The following CCDC171 variants were observed in gnomAD, a reference collection of about 807,000 sequenced individuals.
CCDC171 encodes coiled-coil domain-containing protein 171.
A neutral mutation model predicts 168.2 loss-of-function variants in CCDC171; 177 were observed. The observed-to-expected ratio is 1.05, with a 90% CI of 0.93 to 1.19. The LOEUF (loss-of-function observed/expected upper bound fraction) is 1.19. Ranked by LOEUF, CCDC171 falls within the 50% of genes most tolerant of loss-of-function variation. The probability of loss-of-function intolerance (pLI) is 0.00; values close to 1 mark genes in which losing one functional copy is unlikely to be tolerated. For missense variants in CCDC171, 1,991 were observed against 1,539.0 expected (o/e 1.29, Z -4.91); for synonymous variants, 687 against 540.8 (o/e 1.27, Z -3.75).
intron 5 of CCDC171, among the ~76,000 whole-genome samples, chr9:15,592,037 T>A (rs1442367881): frequency 6.6e-6 from 1 of 152,170 alleles, no homozygotes; most frequent in Non-Finnish European, 1.5e-5. Context: ...TTCCCTCATT[T>A]TTTGTTCTCT....
intron 21 of CCDC171, among the ~76,000 whole-genome samples, chr9:15,803,537 G>C (rs895193820): frequency 6.6e-6 from 1 of 151,962 alleles, no homozygotes; most frequent in Non-Finnish European, 1.5e-5. Context: ...CCCATTGCTT[G>C]TTTTTGTCAG....
intron 25 of CCDC171, among the ~76,000 whole-genome samples, chr9:15,951,616 A>G (rs1409149570): frequency 1.3e-5 from 2 of 151,970 alleles, no homozygotes; most frequent in Non-Finnish European, 2.9e-5. Context: ...CATTTCCCTA[A>G]TGATTAGTGA....
At chr9:15,774,609 C>G (rs2057206024) in intron 18 of CCDC171, among the ~76,000 whole-genome samples, 1 of 152,182 alleles carries the variant, frequency 6.6e-6, no homozygotes, top group Non-Finnish European at 1.5e-5. Context: ...TACTACATAT[C>G]TACTCAGAGG....
In CCDC171 at chr9:15,905,219, A is replaced by G. The variant is rs529326908; in HGVS notation, c.3601-15051A>G. On this transcript the variant is annotated intron_variant, in intron 24 of 25. Transcript: ENST00000380701. Reference sequence around the variant, plus strand: ...TCCACCCCAAATCAACAGAATATACATTCTTCTCAGCACCACACTGCACTT... The same window carrying G: ...TCCACCCCAAATCAACAGAATATACGTTCTTCTCAGCACCACACTGCACTT... Among the ~76,000 whole-genome samples the G allele has an allele frequency of 7.5e-3, 1,145 of 152,308 alleles. 10 individuals are homozygous for G. Among genetic ancestry groups the G allele is most frequent in the African/African-American group, 0.026 (1,098 of 41,556 alleles).
the CCDC171 span, among the ~76,000 whole-genome samples, chr9:16,082,235 T>C: frequency 6.6e-6 from 1 of 152,222 alleles, no homozygotes; most frequent in Non-Finnish European, 1.5e-5. Flanking sequence ...CTTTGTAATA[T>C]GTCACATCTC....
intron 25 of CCDC171, among the ~76,000 whole-genome samples, chr9:15,970,950 T>C (rs1440971208): frequency 6.6e-6 from 1 of 152,118 alleles, no homozygotes; most frequent in African/African-American, 2.4e-5. Flanking sequence ...CCTCAGTGAC[T>C]TAAATCAAGA....
intron 3 of CCDC171, among the ~76,000 whole-genome samples, chr9:16,009,333 T>C (rs1832795029): frequency 6.6e-6 from 1 of 152,204 alleles, no homozygotes; most frequent in Non-Finnish European, 1.5e-5. Flanking sequence ...GATATCAAAG[T>C]AGACATCAAA....
chr9:15,731,740 G>C (rs1205498501), intron 16 of CCDC171, among the ~76,000 whole-genome samples: 1 of 151,984 alleles, frequency 6.6e-6, no homozygotes, highest in Non-Finnish European at 1.5e-5. Flanking sequence ...CAGGTCATGG[G>C]ATATATGTGT....
intron 3 of CCDC171, among the ~76,000 whole-genome samples, chr9:15,997,876 T>C (rs1364151346): frequency 6.6e-6 from 1 of 152,152 alleles, no homozygotes; most frequent in Non-Finnish European, 1.5e-5. Context: ...CTTGCATATT[T>C]ACCCCACAGT....
chr9:16,106,380 A>G, the CCDC171 span, among the ~76,000 whole-genome samples: 1 of 152,084 alleles, frequency 6.6e-6, no homozygotes, highest in African/African-American at 2.4e-5. Flanking sequence ...GCATTTCCGT[A>G]GCTCAGTGTC....
chr9:16,007,214 G>T (rs1288165143), intron 3 of CCDC171, among the ~76,000 whole-genome samples: 3 of 152,248 alleles, frequency 2.0e-5, no homozygotes, highest in East Asian at 3.9e-4. Flanking sequence ...GTGTTTTTTG[G>T]CTGCATAAAT....
intron 21 of CCDC171, among the ~76,000 whole-genome samples, chr9:15,796,304 A>T (rs1322007403): frequency 6.6e-6 from 1 of 152,182 alleles, no homozygotes; most frequent in East Asian, 1.9e-4. Flanking sequence ...AGGGGGACAA[A>T]ATGATGGATA....
At chr9:16,046,518 CA>C (rs1389342253) in intron 1 of CCDC171, among the ~76,000 whole-genome samples, 10 of 152,280 alleles carry the variant, frequency 6.6e-5, no homozygotes, top group Admixed American at 3.9e-4. Context: ...TGACATTTGA[CA>C]CAGTGATATG....
chr9:16,089,882 A>G, the CCDC171 span, among the ~76,000 whole-genome samples: 1 of 152,220 alleles, frequency 6.6e-6, no homozygotes. Flanking sequence ...ATATCATCCC[A>G]TGCCAGTAGG....
chr9:15,751,744 A>G (rs926556599), intron 18 of CCDC171, among the ~76,000 whole-genome samples: 4 of 152,206 alleles, frequency 2.6e-5, no homozygotes, highest in African/African-American at 4.8e-5. Flanking sequence ...CTTACGCCTT[A>G]TACAAAAATT....
At position 15,874,661 on chromosome 9, in the gene CCDC171, C is replaced by T; in HGVS notation, c.3598C>T (p.Gln1200Ter). The T allele has an allele frequency of 1.3e-6, 2 of 1,572,152 alleles. No individual in the cohort carries two copies. The highest frequency in any genetic ancestry group is 1.4e-5 in the African/African-American group (1 of 72,828). ...LKGGPEVVAC[Q>*]AMIKSFMDVY... Reference sequence around the variant, plus strand: ...GGGCGGGCCAGAGGTGGTAGCATGCCAGGTTAGAGTCTAAATAACATTGTT... The same window carrying T: ...GGGCGGGCCAGAGGTGGTAGCATGCTAGGTTAGAGTCTAAATAACATTGTT... The change falls in exon 24 of 26, where the codon CAG becomes TAG. Residue 1200 changes from glutamine (Q) to a stop codon, truncating the protein, a stop_gained and splice_region_variant. Coordinates refer to ENST00000380701, the MANE Select transcript of CCDC171 (RefSeq NM_173550.4). LOFTEE classifies it high-confidence loss of function.
At chr9:15,959,802 G>A (rs1395239991) in intron 25 of CCDC171, among the ~76,000 whole-genome samples, 1 of 152,136 alleles carries the variant, frequency 6.6e-6, no homozygotes, top group Non-Finnish European at 1.5e-5. Flanking sequence ...CCTATGGACT[G>A]GCATTTGGAC....
At chr9:16,091,567 C>G in the CCDC171 span, among the ~76,000 whole-genome samples, 351 of 152,316 alleles carry the variant, frequency 2.3e-3, 9 homozygotes, top group East Asian at 0.061. Flanking sequence ...AGTTTGCTCT[C>G]AGGTCGTGAT....
intron 14 of CCDC171, among the ~76,000 whole-genome samples, chr9:15,726,768 A>G (rs962127111): frequency 6.6e-6 from 1 of 152,122 alleles, no homozygotes; most frequent in African/African-American, 2.4e-5. Flanking sequence ...TAGACTTTCT[A>G]AATTTTTCTT....
Sources: allele counts gnomAD v4.1 joint callset (sites outside exome capture counted in the v4.1 genomes callset), GRCh38; gene constraint gnomAD v4.1.1; transcripts MANE v1.5; gene names NCBI Gene and HGNC (gene_info 2026-07-23, HGNC 2026-07-21).